Variants in CNGB3 observed in about 807,000 individuals in gnomAD.
CNGB3 encodes the protein cyclic nucleotide gated channel subunit beta 3.
Under a neutral mutation model 92.8 loss-of-function variants are expected in CNGB3, and 86 were observed. That is an observed-to-expected ratio of 0.93 (90% CI 0.78 to 1.11). The LOEUF (loss-of-function observed/expected upper bound fraction) is 1.11, where lower values mean the gene tolerates loss of function less well. Among genes scored for constraint, CNGB3 ranks in the 50% least tolerant of loss-of-function variants. The pLI, the probability that CNGB3 is intolerant of heterozygous loss-of-function variation, is 0.00. For missense variants in CNGB3, 1,026 were observed against 956.8 expected (o/e 1.07, Z -0.95); for synonymous variants, 333 against 332.7 (o/e 1.00, Z -0.01).
chr8:86,626,098 C>T lies in CNGB3; in HGVS notation c.1481-18G>A, dbSNP rs1822841559. On this transcript the variant is annotated intron_variant, in intron 12 of 17. Coordinates refer to ENST00000320005, the MANE Select transcript of CNGB3 (RefSeq NM_019098.5). ...AGACTCATCTTTATAAAGATAAACA[C>T]ATCAAACCCCGATGCAGAATAATTA... The T allele has an allele frequency of 1.9e-6, 3 of 1,551,928 alleles. No individual in the cohort carries two copies. The highest frequency in any genetic ancestry group is 1.4e-5 in the African/African-American group (1 of 73,602).
At chr8:86,624,226 C>T (rs2131578905) in intron 13 of CNGB3, among the ~76,000 whole-genome samples, 1 of 152,268 alleles carries the variant, frequency 6.6e-6, no homozygotes, top group South Asian at 2.1e-4. Context: ...CAAGACCAGC[C>T]TGGCCAACAT....
At chr8:86,720,557 A>G (rs1433728467) in intron 3 of CNGB3, among the ~76,000 whole-genome samples, 2 of 152,164 alleles carry the variant, frequency 1.3e-5, no homozygotes, top group African/African-American at 4.8e-5. Context: ...TGGGAATGTA[A>G]ACTAGTACAA....
At chr8:86,743,437 A>G in intron 1 of CNGB3, 62 bp downstream of exon 1, 1 of 1,587,980 alleles carries the variant, frequency 6.3e-7, no homozygotes, top group Non-Finnish European at 8.6e-7. Context: ...CAGTGATTAA[A>G]TGCTATTACC....
intron 2 of CNGB3, among the ~76,000 whole-genome samples, chr8:86,735,143 C>CTTTTTTTTT (rs1563770352): frequency 7.9e-4 from 2 of 2,546 alleles, no homozygotes; most frequent in East Asian, 0.014. Context: ...AAAATGGTTG[C>CTTTTTTTTT]CTTTTTTTTT....
rs914017737 is a variant in CNGB3 at position 86,644,619 on chromosome 8, T to C, written c.1055+3A>G. The stretch of plus-strand genomic sequence containing the variant: ...CCCCCAAGTATACTGAGTTATACTT[T>C]ACCTGTAGATATATGCTTTGTCCAT... On this transcript the variant is annotated splice_donor_region_variant and intron_variant, in intron 9 of 17. Coordinates refer to ENST00000320005, the MANE Select transcript of CNGB3 (RefSeq NM_019098.5). The C allele has an allele frequency of 4.4e-6, 7 of 1,601,022 alleles. No individual in the cohort carries two copies. The East Asian group carries it at 6.7e-5, about 15-fold the overall frequency.
chr8:86,617,970 A>C (rs894806399), intron 13 of CNGB3, among the ~76,000 whole-genome samples: 6 of 57,798 alleles, frequency 1.0e-4, no homozygotes, highest in Non-Finnish European at 2.5e-4. Context: ...ATAATGTAGA[A>C]TCAGTGGGAG....
intron 3 of CNGB3, among the ~76,000 whole-genome samples, chr8:86,699,462 C>A (rs949546287): frequency 5.9e-5 from 9 of 152,124 alleles, no homozygotes; most frequent in African/African-American, 1.9e-4. Context: ...CATAGTGAGA[C>A]CCCATCTGTC....
chr8:86,733,003 C>T (rs1825184352), intron 2 of CNGB3, among the ~76,000 whole-genome samples: 1 of 152,034 alleles, frequency 6.6e-6, no homozygotes, highest in Admixed American at 6.6e-5. Flanking sequence ...GAGCAGAGTA[C>T]CCAACATTTA....
At chr8:86,630,877 T>TA (rs1180027690) in intron 11 of CNGB3, among the ~76,000 whole-genome samples, 2 of 152,138 alleles carry the variant, frequency 1.3e-5, no homozygotes, top group Admixed American at 1.3e-4. Context: ...TGTCTCTTAA[T>TA]AAAAAAAGAG....
At chr8:86,706,614 T>C (rs1824657190) in intron 3 of CNGB3, among the ~76,000 whole-genome samples, 1 of 152,222 alleles carries the variant, frequency 6.6e-6, no homozygotes, top group Admixed American at 6.5e-5. Context: ...CTGATACTTT[T>C]GTTGCCTGGA....
In CNGB3 at chr8:86,608,895, A is replaced by G. The variant is rs796841678; in HGVS notation, c.1662+2693T>C. Reference sequence around the variant, plus strand: ...GCACAGCCAGACATTCGGGGCCACTACCGGTCTCCGCGCATTGGTGGTAGT... The same window carrying G: ...GCACAGCCAGACATTCGGGGCCACTGCCGGTCTCCGCGCATTGGTGGTAGT... On this transcript the variant is annotated intron_variant, in intron 14 of 17. Transcript: ENST00000320005. 4.6e-5 allele frequency among the ~76,000 whole-genome samples: 7 copies of G among 152,050 alleles called. No individual in the cohort carries two copies. In the East Asian group the frequency reaches 7.7e-4, roughly 17 times the overall value.
chr8:86,666,952 G>T lies in CNGB3; in HGVS notation c.825C>A (p.Leu275=), dbSNP rs748014051. The T allele has an allele frequency of 5.0e-6, 8 of 1,612,654 alleles. No individual in the cohort carries two copies. The highest frequency in any genetic ancestry group is 3.3e-5 in the Admixed American group (2 of 60,006). Residue 275 remains leucine, a synonymous_variant, in exon 6 of 18, where the codon CTC becomes CTA. Transcript: ENST00000320005. ...TTATGTCTCCTCCTCTTACAAACTG[G>T]AGTCTGGGCTGGATAAATAGCATAT... is the stretch of plus-strand genomic sequence containing the variant. ...LYDMLFIQPR[L]QFVRGGDIIV...
At chr8:86,644,583 T>C (rs1823257604) in intron 9 of CNGB3, 39 bp downstream of exon 9, 1 of 1,592,588 alleles carries the variant, frequency 6.3e-7, no homozygotes, top group Non-Finnish European at 8.6e-7. Context: ...GTACCATTGC[T>C]TTTTCCCCTT....
At chr8:86,672,305 G>T (rs1823876365) in intron 3 of CNGB3, among the ~76,000 whole-genome samples, 1 of 152,052 alleles carries the variant, frequency 6.6e-6, no homozygotes, top group South Asian at 2.1e-4. Context: ...CACCATGTTG[G>T]CCAGGCTGGT....
intron 6 of CNGB3, chr8:86,661,617 G>C: frequency 1.2e-6 from 1 of 810,008 alleles, no homozygotes; most frequent in Non-Finnish European, 2.2e-6. Flanking sequence ...CCACTAATAA[G>C]TTCTTCTTTC....
intron 2 of CNGB3, 60 bp downstream of exon 2, chr8:86,739,595 A>G (rs1473607312): frequency 5.6e-6 from 9 of 1,595,904 alleles, no homozygotes; most frequent in Non-Finnish European, 6.8e-6. Context: ...AGCACATTTC[A>G]GATACATATG....
At chr8:86,598,349 T>A (rs10112280) in intron 15 of CNGB3, among the ~76,000 whole-genome samples, 138,243 of 152,262 alleles carry the variant, frequency 0.91, 63,025 homozygotes, top group African/African-American at 0.97. Context: ...AAATGATTTG[T>A]GACTTTCTTT....
chr8:86,698,440 G>C (rs567855105), intron 3 of CNGB3, among the ~76,000 whole-genome samples: 7 of 152,264 alleles, frequency 4.6e-5, no homozygotes, highest in Non-Finnish European at 7.4e-5. Flanking sequence ...ATTGGGGCAA[G>C]GACATTTTTA....
intron 3 of CNGB3, among the ~76,000 whole-genome samples, chr8:86,696,052 A>G (rs115948849): frequency 0.02 from 3,043 of 152,238 alleles, 98 homozygotes; most frequent in African/African-American, 0.067. Flanking sequence ...TGGAGGTGGC[A>G]GGAGAGTAAA....
Sources: allele counts gnomAD v4.1 joint callset (sites outside exome capture counted in the v4.1 genomes callset), GRCh38; gene constraint gnomAD v4.1.1; transcripts MANE v1.5; gene names NCBI Gene and HGNC (gene_info 2026-07-23, HGNC 2026-07-21).